The following SYCP2L variants were observed in gnomAD, a reference collection of about 807,000 sequenced individuals.
SYCP2L encodes the protein synaptonemal complex protein 2 like, also known as synaptonemal complex protein 2-like.
SYCP2L carries 98 observed loss-of-function variants against 125.8 expected under a neutral mutation model. The observed-to-expected ratio is 0.78, with a 90% CI of 0.66 to 0.92. The LOEUF is 0.92. SYCP2L is among the 40% of genes least tolerant of loss of function. The pLI is 0.00. For missense variants in SYCP2L, 842 were observed against 936.4 expected (o/e 0.90, Z 1.32); for synonymous variants, 317 against 325.4 (o/e 0.97, Z 0.28).
intron 23 of SYCP2L, among the ~76,000 whole-genome samples, chr6:10,943,767 TAC>T (rs2113382388): frequency 6.6e-6 from 1 of 152,336 alleles, no homozygotes; most frequent in Admixed American, 6.5e-5. Context: ...CTAAATAATA[TAC>T]AGTTTAGTTT....
chr6:10,951,796 C>G (rs1380250185), intron 23 of SYCP2L, among the ~76,000 whole-genome samples: 2 of 152,264 alleles, frequency 1.3e-5, no homozygotes, highest in African/African-American at 4.8e-5. Flanking sequence ...CAAAAAATGC[C>G]TTAACTTAGG....
intron 28 of SYCP2L, among the ~76,000 whole-genome samples, chr6:10,962,794 G>C (rs1250109094): frequency 6.6e-6 from 1 of 152,156 alleles, no homozygotes; most frequent in Admixed American, 6.5e-5. Flanking sequence ...AAGCCAGCTG[G>C]ATTCTCGTAT....
chr6:10,940,915 G>A (rs1049528991), intron 21 of SYCP2L, among the ~76,000 whole-genome samples: 10 of 152,122 alleles, frequency 6.6e-5, no homozygotes, highest in East Asian at 1.9e-4. Context: ...ATCCCTGCCC[G>A]TGTTATTTGA....
At chr6:10,898,889 A>G (rs750500798) in intron 6 of SYCP2L, 41 bp downstream of exon 6, 1 of 1,170,694 alleles carries the variant, frequency 8.5e-7, no homozygotes, top group Admixed American at 1.8e-5. Flanking sequence ...TTAATTTTTC[A>G]TTAATAGAAT....
At chr6:10,919,072 G>T (rs371527242) in intron 14 of SYCP2L, among the ~76,000 whole-genome samples, 1 of 152,054 alleles carries the variant, frequency 6.6e-6, no homozygotes, top group East Asian at 1.9e-4. Flanking sequence ...TTCTTTTTCA[G>T]GTACATCAGG....
intron 23 of SYCP2L, among the ~76,000 whole-genome samples, chr6:10,947,668 T>G (rs1358859179): frequency 6.6e-6 from 1 of 152,110 alleles, no homozygotes; most frequent in Non-Finnish European, 1.5e-5. Flanking sequence ...TTAGTTATCC[T>G]AAGTAGATGA....
chr6:10,969,358 C>CTTTTT (rs534262433), intron 29 of SYCP2L, among the ~76,000 whole-genome samples: 3 of 105,026 alleles, frequency 2.9e-5, no homozygotes, highest in Non-Finnish European at 3.8e-5. Context: ...AGGAAATTAT[C>CTTTTT]TTTTTTTTTT....
chr6:10,911,383 C>T (rs1780603378), intron 12 of SYCP2L, among the ~76,000 whole-genome samples: 1 of 152,164 alleles, frequency 6.6e-6, no homozygotes, highest in Non-Finnish European at 1.5e-5. Flanking sequence ...AGGGCCCTAA[C>T]CTACAGCATC....
intron 14 of SYCP2L, among the ~76,000 whole-genome samples, chr6:10,914,574 A>C (rs916015344): frequency 7.4e-5 from 11 of 149,300 alleles, no homozygotes; most frequent in South Asian, 2.2e-4. Context: ...ATTGTATTGA[A>C]TGTGTAGATT....
chr6:10,912,628 C>A lies in SYCP2L; in HGVS notation c.919-45C>A. 1 of 1,377,880 alleles carries A rather than the reference C, an allele frequency of 7.3e-7. No individual in the cohort carries two copies. Among genetic ancestry groups the A allele is most frequent in the Non-Finnish European group, 1.0e-6 (1 of 974,328 alleles). 85.4% of individuals were successfully genotyped at this position (1,377,880 alleles called of 1,614,324 possible). ...GAATAATGTTTATCTGACCCTATAGCATGATTTTTATGTGTATAAGTCATG... is the reference window on the plus strand; with the variant it reads ...GAATAATGTTTATCTGACCCTATAGAATGATTTTTATGTGTATAAGTCATG... On this transcript the variant is annotated intron_variant, in intron 12 of 29. Coordinates refer to ENST00000283141, the MANE Select transcript of SYCP2L (RefSeq NM_001040274.3). This position sits in a 1 kb window ranked among gnomAD's most constrained non-coding sequence, Gnocchi z 4.1.
chr6:10,973,586 A>C (rs146209248), intron 29 of SYCP2L, among the ~76,000 whole-genome samples: 1 of 152,174 alleles, frequency 6.6e-6, no homozygotes, highest in African/African-American at 2.4e-5. Context: ...AACAACATGT[A>C]GTTTTCCTAG....
intron 21 of SYCP2L, among the ~76,000 whole-genome samples, chr6:10,941,829 A>G (rs1781226281): frequency 6.6e-6 from 1 of 152,184 alleles, no homozygotes; most frequent in Admixed American, 6.5e-5. Flanking sequence ...ATTATAAAAC[A>G]TGCTGCTATA....
At chr6:10,932,162 G>C (rs1781008044) in intron 20 of SYCP2L, among the ~76,000 whole-genome samples, 1 of 151,904 alleles carries the variant, frequency 6.6e-6, no homozygotes, top group Non-Finnish European at 1.5e-5. Context: ...AGCTTTTAAT[G>C]GTTTAATTAT....
At chr6:10,896,984 T>C (rs965094953) in intron 4 of SYCP2L, among the ~76,000 whole-genome samples, 3 of 152,226 alleles carry the variant, frequency 2.0e-5, no homozygotes, top group South Asian at 2.1e-4. Context: ...CAGAAACTCA[T>C]GTGACTGATG....
chr6:10,957,648 A>G (rs552275949), intron 25 of SYCP2L, among the ~76,000 whole-genome samples: 1 of 152,308 alleles, frequency 6.6e-6, no homozygotes, highest in South Asian at 2.1e-4. Flanking sequence ...CCCTGTCTCT[A>G]CAAAAAATGT....
At chr6:10,926,823 A>G (rs1442139445) in intron 16 of SYCP2L, among the ~76,000 whole-genome samples, 1 of 139,490 alleles carries the variant, frequency 7.2e-6, no homozygotes, top group Non-Finnish European at 1.5e-5. Context: ...TCTGTTGCCC[A>G]GGCTGGAGTG....
Position 10,907,892 on chromosome 6 carries a change from G to GTTTTTTTTTTTTTTTTTTTTTTTTTTTTT in SYCP2L, c.819+226_819+227insTTTTTTTTTTTTTTTTTTTTTTTTTTTTT, listed in dbSNP as rs551103839. Among the ~76,000 whole-genome samples the GTTTTTTTTTTTTTTTTTTTTTTTTTTTTT allele has an allele frequency of 4.0e-4, 37 of 91,938 alleles. 5 individuals carry two copies. The highest frequency in any genetic ancestry group is 1.2e-3 in the African/African-American group (29 of 24,156). The allele number at this position is 91,938 out of a possible 152,430, so 60.3% of individuals were successfully genotyped here. On this transcript the variant is annotated intron_variant, in intron 10 of 29. Coordinates refer to ENST00000283141, the MANE Select transcript of SYCP2L (RefSeq NM_001040274.3). Reference sequence around the variant, plus strand: ...GAGCTAGATATAGGGATACAGATAGGTTTTTTTTTTTTTTTTTTGACAGAG... The same window carrying GTTTTTTTTTTTTTTTTTTTTTTTTTTTTT: ...GAGCTAGATATAGGGATACAGATAGGTTTTTTTTTTTTTTTTTTTTTTTTTTTTTTTTTTTTTTTTTTTTTTTGACAGAG...
chr6:10,926,223 A>G (rs1780894421), intron 15 of SYCP2L, 116 bp from the exon 16 acceptor site: 2 of 769,378 alleles, frequency 2.6e-6, no homozygotes, highest in Non-Finnish European at 4.3e-6. Flanking sequence ...AAACTGGTAA[A>G]CTTGACTAAC....
chr6:10,895,626 C>CA (rs1221933649), intron 4 of SYCP2L, among the ~76,000 whole-genome samples: 1 of 130,088 alleles, frequency 7.7e-6, no homozygotes, highest in African/African-American at 2.5e-5. Context: ...GAAAGGAGAA[C>CA]AAAAGGGGGG....
Sources: allele counts gnomAD v4.1 joint callset (sites outside exome capture counted in the v4.1 genomes callset), GRCh38; gene constraint gnomAD v4.1.1; non-coding constraint Gnocchi (gnomAD v3.1); transcripts MANE v1.5; gene names NCBI Gene and HGNC (gene_info 2026-07-23, HGNC 2026-07-21).